TNRC6A: variants seen among roughly 807,000 people sequenced by gnomAD.
TNRC6A encodes the protein trinucleotide repeat containing adaptor 6A.
In TNRC6A, 44 loss-of-function variants were observed where a neutral mutation model predicts 221.2. The observed-to-expected ratio is 0.20, with a 90% CI of 0.16 to 0.26. The LOEUF (loss-of-function observed/expected upper bound fraction) is 0.26. Ranked by LOEUF, TNRC6A falls within the 10% of genes least tolerant of loss-of-function variation. The pLI, the probability that TNRC6A is intolerant of heterozygous loss-of-function variation, is 1.00. For synonymous variants in TNRC6A, 847 were observed against 838.5 expected, an observed-to-expected ratio of 1.01 and a Z score of -0.18; for missense variants, 2,199 against 2,404.4, an observed-to-expected ratio of 0.91 and a Z score of 1.79.
At chr16:24,687,570 C>A (rs1037796712) in intron 2 of TNRC6A, among the ~76,000 whole-genome samples, 2 of 152,166 alleles carry the variant, frequency 1.3e-5, no homozygotes, top group Non-Finnish European at 2.9e-5. Flanking sequence ...AGGAGGATGT[C>A]TTGAGTCCAG....
chr16:24,619,560 G>A (rs1387190719), intron 1 of TNRC6A, among the ~76,000 whole-genome samples: 1 of 152,176 alleles, frequency 6.6e-6, no homozygotes, highest in Non-Finnish European at 1.5e-5. Flanking sequence ...TTTTTGTCTG[G>A]AGAATGGAAA....
At chr16:24,818,242 G>C (rs979760291) in intron 20 of TNRC6A, among the ~76,000 whole-genome samples, 3 of 152,154 alleles carry the variant, frequency 2.0e-5, no homozygotes, top group African/African-American at 7.2e-5. Flanking sequence ...GAGCTCAGGG[G>C]CGAGTTAGCA....
chr16:24,692,177 A>G (rs2055768688), intron 2 of TNRC6A, among the ~76,000 whole-genome samples: 1 of 152,114 alleles, frequency 6.6e-6, no homozygotes, highest in East Asian at 1.9e-4. Context: ...TCTGAAATCT[A>G]GTTGAGTCGT....
At chr16:24,802,204 G>T (rs1414197161) in intron 11 of TNRC6A, among the ~76,000 whole-genome samples, 1 of 152,200 alleles carries the variant, frequency 6.6e-6, no homozygotes, top group Non-Finnish European at 1.5e-5. Flanking sequence ...GAGATTTGAG[G>T]ATTGAGAAAA....
intron 2 of TNRC6A, among the ~76,000 whole-genome samples, chr16:24,703,722 T>C (rs1278240130): frequency 6.6e-6 from 1 of 152,222 alleles, no homozygotes; most frequent in Non-Finnish European, 1.5e-5. Flanking sequence ...TGTGGATATA[T>C]GCTTTCATTT....
In TNRC6A at chr16:24,687,846, A is replaced by AGAAGAAGAAGAAGAAGAAGAAGAAGAG. The variant is rs1567356965; in HGVS notation, n.402+46863_402+46864insGGAAGAAGAAGAAGAAGAAGAAGAAGA. On this transcript the variant is annotated intron_variant and non_coding_transcript_variant, in intron 2 of 2. Transcript: ENST00000566108. Reference sequence around the variant, plus strand: ...AGGAAGAAGAGGAAGAGGAAGAGGAAGAAGAAGAAGAAGAAGAAGAAGAAG... The same window carrying AGAAGAAGAAGAAGAAGAAGAAGAAGAG: ...AGGAAGAAGAGGAAGAGGAAGAGGAAGAAGAAGAAGAAGAAGAAGAAGAAGAGGAAGAAGAAGAAGAAGAAGAAGAAG... Among the ~76,000 whole-genome samples the AGAAGAAGAAGAAGAAGAAGAAGAAGAG allele has an allele frequency of 4.4e-4, 65 of 146,942 alleles. 2 individuals carry two copies. The highest frequency in any genetic ancestry group is 1.6e-3 in the African/African-American group (65 of 40,452).
At chr16:24,624,053 C>G (rs755235515) in intron 1 of TNRC6A, among the ~76,000 whole-genome samples, 2 of 152,164 alleles carry the variant, frequency 1.3e-5, no homozygotes, top group Admixed American at 1.3e-4. Flanking sequence ...AGGTCACATA[C>G]GCGGCTCTGC....
rs1398064518 is a variant in TNRC6A, at chr16:24,764,346, A to C, written c.163+5986A>C. On this transcript the variant is annotated intron_variant, in intron 4 of 24. Transcript: ENST00000395799. ...TTTTCTTTTCTTTTTTTTTTTTTTG[A>C]GACAGAGTCTTGCTCTGTCGCCCAG... is the stretch of plus-strand genomic sequence containing the variant. Among the ~76,000 whole-genome samples the C allele has an allele frequency of 3.5e-5, 5 of 142,220 alleles. No individual in the cohort carries two copies. The East Asian group carries it at 1.0e-3, about 29-fold the overall frequency. The allele number at this position is 142,220 out of a possible 152,430, so 93.3% of individuals were successfully genotyped here.
intron 4 of TNRC6A, among the ~76,000 whole-genome samples, chr16:24,765,044 A>G (rs931762405): frequency 6.6e-6 from 1 of 152,228 alleles, no homozygotes; most frequent in Non-Finnish European, 1.5e-5. Context: ...ACCATGGGGT[A>G]AGACTTTGGA....
chr16:24,646,648 G>C (rs1167529399), intron 2 of TNRC6A, among the ~76,000 whole-genome samples: 2 of 152,158 alleles, frequency 1.3e-5, no homozygotes, highest in African/African-American at 4.8e-5. Context: ...TCATATCTAA[G>C]TGAAATTTTT....
At chr16:24,625,899 T>G (rs1900961610) in intron 1 of TNRC6A, among the ~76,000 whole-genome samples, 3 of 152,164 alleles carry the variant, frequency 2.0e-5, no homozygotes. Flanking sequence ...GCTAGAGTGT[T>G]AAGTTTGTTT....
chr16:24,765,631 G>A (rs1016328784), intron 4 of TNRC6A, among the ~76,000 whole-genome samples: 5 of 152,076 alleles, frequency 3.3e-5, no homozygotes, highest in African/African-American at 9.7e-5. Flanking sequence ...GGTTCATACC[G>A]GTTAAGAATT....
intron 2 of TNRC6A, among the ~76,000 whole-genome samples, chr16:24,707,519 G>C (rs572964784): frequency 1.7e-4 from 26 of 152,188 alleles, no homozygotes; most frequent in African/African-American, 6.3e-4. Flanking sequence ...AACAAGCTAG[G>C]AGAAATGTTT....
chr16:24,694,371 C>G (rs770361559), intron 2 of TNRC6A, among the ~76,000 whole-genome samples: 6 of 151,998 alleles, frequency 3.9e-5, no homozygotes, highest in Non-Finnish European at 7.4e-5. Flanking sequence ...GACTAGTGAG[C>G]CTTGCTGGGC....
At chr16:24,638,256 A>G (rs1460673411) in intron 1 of TNRC6A, among the ~76,000 whole-genome samples, 1 of 152,002 alleles carries the variant, frequency 6.6e-6, no homozygotes, top group African/African-American at 2.4e-5. Context: ...CATCTCTACC[A>G]AAAATACAAA....
intron 1 of TNRC6A, among the ~76,000 whole-genome samples, chr16:24,618,283 A>G (rs974880456): frequency 1.3e-5 from 2 of 152,278 alleles, no homozygotes; most frequent in African/African-American, 2.4e-5. Flanking sequence ...GAAAACATCA[A>G]TTGAACACTT....
rs189634095 is a variant in TNRC6A at position 24,759,975 on chromosome 16, A to T, written c.163+1615A>T. Among the ~76,000 whole-genome samples, 88 of 152,114 alleles carry T rather than the reference A, an allele frequency of 5.8e-4. 1 individual carries two copies. Among genetic ancestry groups the T allele is most frequent in the African/African-American group, 2.0e-3 (81 of 41,512 alleles). ...TATTTTCCCCACCCCTCTCCCCCAC[A>T]TAGCAATGGTAAGTTGTCCCTATTT... is the stretch of plus-strand genomic sequence containing the variant. On this transcript the variant is annotated intron_variant, in intron 4 of 24. Coordinates refer to ENST00000395799, the MANE Select transcript of TNRC6A (RefSeq NM_014494.4).
At chr16:24,806,348 T>C (rs986801686) in intron 16 of TNRC6A, 65 bp downstream of exon 16, 3 of 1,567,622 alleles carry the variant, frequency 1.9e-6, no homozygotes, top group Non-Finnish European at 2.6e-6. Flanking sequence ...ATCTCCATTG[T>C]AGCAAGAGAT....
At chr16:24,776,631 T>A (rs910353556) in intron 4 of TNRC6A, 12 of 985,402 alleles carry the variant, frequency 1.2e-5, no homozygotes, top group Non-Finnish European at 1.4e-5. Context: ...TTTGTAATGA[T>A]CCGATGATGA....
Sources: gnomAD v4.1 joint callset for allele counts (sites outside exome capture counted in the v4.1 genomes callset) on GRCh38, gnomAD v4.1.1 for gene constraint, MANE v1.5 for transcripts, NCBI Gene and HGNC (gene_info 2026-07-23, HGNC 2026-07-21) for gene names.